Variants in MAT1A observed in about 807,000 individuals in gnomAD.
MAT1A encodes S-adenosylmethionine synthase isoform type-1.
A neutral mutation model predicts 44.0 loss-of-function variants in MAT1A; 19 were observed. That is an observed-to-expected ratio of 0.43 (90% CI 0.30 to 0.63). The LOEUF (loss-of-function observed/expected upper bound fraction) is 0.63. MAT1A is among the 30% of genes least tolerant of loss of function. MAT1A has a pLI of 0.12. For missense variants in MAT1A, 397 were observed against 531.0 expected, an observed-to-expected ratio of 0.75 and a Z score of 2.48; for synonymous variants, 205 against 205.6, an observed-to-expected ratio of 1.00 and a Z score of 0.03.
chr10:80,274,912 G>A, intron 7 of MAT1A, 105 bp downstream of exon 7: 1 of 1,406,040 alleles, frequency 7.1e-7, no homozygotes, highest in Non-Finnish European at 9.8e-7. Flanking sequence ...ACAACCTTTG[G>A]CAAAGCATGC....
chr10:80,277,101 G>A (rs1841499770), intron 5 of MAT1A, among the ~76,000 whole-genome samples: 1 of 152,226 alleles, frequency 6.6e-6, no homozygotes, highest in Non-Finnish European at 1.5e-5. Context: ...GCTCTTCCAA[G>A]AAGAAGGTTG....
Position 80,272,681 on chromosome 10 carries a change from G to C in MAT1A, c.*1100C>G, listed in dbSNP as rs749044598. The stretch of plus-strand genomic sequence containing the variant: ...GGACAAGTTGCTGCTTCTGCTCCAG[G>C]AAGCCCAGATAGGACTGGACTGGAC... On this transcript the variant is annotated 3_prime_UTR_variant, in exon 9 of 9. Coordinates refer to ENST00000372213, the MANE Select transcript of MAT1A (RefSeq NM_000429.3). 3.9e-5 allele frequency: 6 copies of C among 152,356 alleles called. No individual in the cohort carries two copies. The highest frequency in any genetic ancestry group is 7.3e-5 in the Non-Finnish European group (5 of 68,198). The allele number at this position is 152,356 out of a possible 1,614,324, so 9.4% of individuals were successfully genotyped here.
At position 80,271,892 on chromosome 10, in the gene MAT1A, A is replaced by G. The variant is rs1841413417; in HGVS notation, c.*1889T>C. On this transcript the variant is annotated 3_prime_UTR_variant, in exon 9 of 9. Coordinates refer to ENST00000372213, the MANE Select transcript of MAT1A (RefSeq NM_000429.3). ...CAAATAAAGGCTTTAGTTTCATACA[A>G]ACAAACTGACAAAAAAGATCTTATT... 1 of 152,224 alleles carries G rather than the reference A, an allele frequency of 6.6e-6. No individual in the cohort carries two copies. The highest frequency in any genetic ancestry group is 1.5e-5 in the Non-Finnish European group (1 of 68,038). 9.4% of individuals were successfully genotyped at this position (152,224 alleles called of 1,614,324 possible).
chr10:80,274,897 C>A, intron 7 of MAT1A, 120 bp downstream of exon 7: 1 of 1,342,652 alleles, frequency 7.4e-7, no homozygotes, highest in African/African-American at 1.4e-5. Flanking sequence ...CACAATCACA[C>A]AATCACAACC....
intron 1 of MAT1A, 50 bp downstream of exon 1, chr10:80,289,283 T>C (rs1841689060): frequency 1.7e-5 from 24 of 1,452,768 alleles, no homozygotes; most frequent in Non-Finnish European, 2.2e-5. Context: ...ACTCCCTCAG[T>C]ATAGGCTTGG....
intron 4 of MAT1A, 54 bp from the exon 5 acceptor site, chr10:80,280,370 G>A (rs543308835): frequency 1.9e-6 from 3 of 1,607,318 alleles, no homozygotes; most frequent in Non-Finnish European, 2.5e-6. Context: ...GAGGACCGCA[G>A]CTCTCTCCAA....
intron 1 of MAT1A, among the ~76,000 whole-genome samples, chr10:80,288,367 C>A (rs964115873): frequency 3.3e-5 from 5 of 152,182 alleles, no homozygotes; most frequent in African/African-American, 1.2e-4. Flanking sequence ...GAATCAGAAA[C>A]TCTGGAGGGT....
Position 80,289,524 on chromosome 10 carries a change from A to G in MAT1A, c.-101T>C. Reference sequence around the variant, plus strand: ...TTCTTCTTCTTCTTCTTTCAACCCAACAGGCTTGTCTTTGGCAGAGCCACG... The same window carrying G: ...TTCTTCTTCTTCTTCTTTCAACCCAGCAGGCTTGTCTTTGGCAGAGCCACG... On this transcript the variant is annotated 5_prime_UTR_variant, in exon 1 of 9. Coordinates refer to ENST00000372213, the MANE Select transcript of MAT1A (RefSeq NM_000429.3). The G allele has an allele frequency of 2.2e-6, 2 of 912,124 alleles. No homozygotes were observed. Among genetic ancestry groups the G allele is most frequent in the Non-Finnish European group, 3.6e-6 (2 of 556,656 alleles). 56.5% of individuals were successfully genotyped at this position (912,124 alleles called of 1,614,324 possible). A position where few individuals can be genotyped will look rare whatever the true frequency, so the allele number is the denominator to read the frequency against.
intron 1 of MAT1A, among the ~76,000 whole-genome samples, chr10:80,286,541 A>G (rs1841653180): frequency 6.6e-6 from 1 of 152,174 alleles, no homozygotes; most frequent in Admixed American, 6.5e-5. Flanking sequence ...GACCTCTTCA[A>G]TTACTGTAGG....
chr10:80,289,235 A>G, intron 1 of MAT1A, 98 bp downstream of exon 1: 1 of 962,078 alleles, frequency 1.0e-6, no homozygotes, highest in Middle Eastern at 2.1e-4. Flanking sequence ...ATAAATATGC[A>G]CAATTATTAT....
rs1163983109 is a variant in MAT1A at position 80,289,389 on chromosome 10, G to A, written c.35C>T (p.Ser12Phe). The change falls in exon 1 of 9, where the codon TCT becomes TTT. Residue 12 changes from serine to phenylalanine, a missense_variant. Transcript: ENST00000372213. ...GAACATGAAGACTCCTTCACTTAGA[G>A]AGTGGTCACACAAGCCATCCACCGG... ...NGPVDGLCDH[S>F]LSEGVFMFTS... 6.2e-7 allele frequency: 1 copy of A among 1,614,040 alleles called. No individual in the cohort carries two copies. The highest frequency in any genetic ancestry group is 8.5e-7 in the Non-Finnish European group (1 of 1,180,016).
chr10:80,274,514 CTT>C lies in MAT1A; in HGVS notation c.1085+4_1085+5del, dbSNP rs775667271. 1.2e-6 allele frequency: 2 copies of C among 1,614,174 alleles called. No homozygotes were observed. The highest frequency in any genetic ancestry group is 1.7e-6 in the Non-Finnish European group (2 of 1,180,024). ...TCCTGTGTAATAGCAGCGCATGGCA[CTT>C]TACCTGACAATGACGCCCGGCCGGA... On this transcript the variant is annotated splice_donor_5th_base_variant and intron_variant, in intron 8 of 8. Transcript: ENST00000372213.
At chr10:80,288,861 C>T (rs1421951329) in intron 1 of MAT1A, among the ~76,000 whole-genome samples, 1 of 152,242 alleles carries the variant, frequency 6.6e-6, no homozygotes, top group Non-Finnish European at 1.5e-5. Flanking sequence ...CCAGCTGCTA[C>T]TCCCTGTCTT....
Position 80,284,062 on chromosome 10 carries a change from A to C in MAT1A, c.170-24T>G, listed in dbSNP as rs375338466. The C allele has an allele frequency of 2.8e-5, 45 of 1,612,742 alleles. 1 individual carries two copies. The African/African-American group carries it at 5.3e-4, about 19-fold the overall frequency. On this transcript the variant is annotated intron_variant, in intron 2 of 8. Coordinates refer to ENST00000372213, the MANE Select transcript of MAT1A (RefSeq NM_000429.3). Reference sequence around the variant, plus strand: ...CTCTGAAAGGGAGCGGGGAGCGAGGAGAGTTAGCAGCCAAGTGCCAGCAAA... The same window carrying C: ...CTCTGAAAGGGAGCGGGGAGCGAGGCGAGTTAGCAGCCAAGTGCCAGCAAA...
rs1185042393 is a variant in MAT1A, at chr10:80,273,822, T to C, written c.1147A>G (p.Ser383Gly). Residue 383 changes from serine to glycine, a missense_variant, in exon 9 of 9, where the codon AGC becomes GGC. By Grantham distance (56) the Ser-to-Gly change is moderately conservative (BLOSUM62 0). Transcript: ENST00000372213. ...CTGGGAACCTCCCATGGGAACTCGC[T>C]TCTTCCGAAATGGCCGTAGCATGCT... ...KTACYGHFGR[S>G]EFPWEVPRKL... The C allele has an allele frequency of 2.5e-6, 4 of 1,613,856 alleles. No individual in the cohort carries two copies. The East Asian group carries it at 8.9e-5, about 36-fold the overall frequency.
At chr10:80,289,093 G>C (rs111971518) in intron 1 of MAT1A, among the ~76,000 whole-genome samples, 90 of 152,346 alleles carry the variant, frequency 5.9e-4, no homozygotes, top group African/African-American at 2.1e-3. Context: ...GGTGACTGAA[G>C]GGCTAGAAGA....
At chr10:80,274,023 G>A (rs544669949) in intron 8 of MAT1A, 140 bp from the exon 9 acceptor site, 63 of 713,736 alleles carry the variant, frequency 8.8e-5, no homozygotes, top group African/African-American at 4.9e-4. Context: ...CCGCAGTTGC[G>A]CGCACCCATC....
intron 5 of MAT1A, among the ~76,000 whole-genome samples, chr10:80,278,992 G>A (rs1256093964): frequency 1.3e-5 from 2 of 152,206 alleles, no homozygotes; most frequent in South Asian, 2.1e-4. Flanking sequence ...AAATGATGTC[G>A]ATTAAGCAAA....
chr10:80,279,931 CA>C (rs905709557), intron 5 of MAT1A, among the ~76,000 whole-genome samples: 1 of 149,620 alleles, frequency 6.7e-6, no homozygotes, highest in Admixed American at 6.7e-5. Flanking sequence ...AATGAGCAAA[CA>C]AAAAAAACGG....
Sources: allele counts gnomAD v4.1 joint callset (sites outside exome capture counted in the v4.1 genomes callset), GRCh38; gene constraint gnomAD v4.1.1; transcripts MANE v1.5; gene names NCBI Gene and HGNC (gene_info 2026-07-23, HGNC 2026-07-21).